ADAMTSL1: variants seen among roughly 807,000 people sequenced by gnomAD.
ADAMTSL1 encodes the protein ADAMTS-like protein 1.
In ADAMTSL1, 126 loss-of-function variants were observed where a neutral mutation model predicts 201.8. The ratio of observed to expected loss-of-function variants is 0.62; its 90% confidence interval spans 0.54 to 0.72. ADAMTSL1 has a LOEUF of 0.72. ADAMTSL1 is among the 30% of genes least tolerant of loss of function. The pLI is 0.00. For synonymous variants in ADAMTSL1, 1,121 were observed against 903.4 expected (o/e 1.24, Z -4.32); for missense variants, 2,679 against 2,277.8 (o/e 1.18, Z -3.59).
rs117266134 is a variant in ADAMTSL1 at position 18,733,783 on chromosome 9, C to T, written c.2006+12118C>T. Reference sequence around the variant, plus strand: ...GCCTGTTCCCTCTCTCCCCTGAAGACTTATTCTCAGTCACCTTGCCTTTTG... The same window carrying T: ...GCCTGTTCCCTCTCTCCCCTGAAGATTTATTCTCAGTCACCTTGCCTTTTG... On this transcript the variant is annotated intron_variant, in intron 15 of 28. Coordinates refer to ENST00000380548, the MANE Select transcript of ADAMTSL1 (RefSeq NM_001040272.6). 9.1e-3 allele frequency among the ~76,000 whole-genome samples: 1,382 copies of T among 151,886 alleles called. 13 individuals are homozygous for T. Among genetic ancestry groups the T allele is most frequent in the Non-Finnish European group, 0.013 (883 of 67,932 alleles).
intron 1 of ADAMTSL1, among the ~76,000 whole-genome samples, chr9:18,075,468 C>A (rs138054330): frequency 7.0e-6 from 1 of 143,266 alleles, no homozygotes; most frequent in Non-Finnish European, 1.5e-5. Flanking sequence ...GTGTAGTTTG[C>A]GGACTATGTA....
intron 1 of ADAMTSL1, among the ~76,000 whole-genome samples, chr9:18,146,741 C>T (rs1439382542): frequency 2.0e-5 from 3 of 152,166 alleles, no homozygotes; most frequent in East Asian, 1.9e-4. Flanking sequence ...TGGTAGTGTG[C>T]CCTTATAAAG....
intron 1 of ADAMTSL1, among the ~76,000 whole-genome samples, chr9:18,126,844 T>C (rs1007615990): frequency 1.3e-5 from 2 of 152,170 alleles, no homozygotes; most frequent in African/African-American, 4.8e-5. Context: ...AAAAACAGTA[T>C]GTTGAAAACC....
At chr9:18,837,450 T>C (rs923156399) in intron 23 of ADAMTSL1, among the ~76,000 whole-genome samples, 6 of 152,226 alleles carry the variant, frequency 3.9e-5, no homozygotes, top group South Asian at 2.1e-4. Context: ...TATTTCATTG[T>C]TATGTTTGTC....
intron 7 of ADAMTSL1, among the ~76,000 whole-genome samples, chr9:18,644,793 G>C (rs1281823587): frequency 6.6e-6 from 1 of 152,030 alleles, no homozygotes; most frequent in East Asian, 1.9e-4. Context: ...ATCATTGTTG[G>C]ACATTTGGGT....
At chr9:18,275,386 T>C (rs553258122) in intron 2 of ADAMTSL1, among the ~76,000 whole-genome samples, 18 of 152,308 alleles carry the variant, frequency 1.2e-4, no homozygotes, top group Middle Eastern at 3.4e-3. Context: ...TAGCCCATTT[T>C]AAGTGTACAG....
intron 1 of ADAMTSL1, among the ~76,000 whole-genome samples, chr9:18,163,071 A>G (rs903799607): frequency 3.3e-5 from 5 of 152,058 alleles, no homozygotes; most frequent in Admixed American, 1.3e-4. Flanking sequence ...CCTTGAATGT[A>G]TAGGAGTTAC....
Position 18,416,331 on chromosome 9 carries a change from C to T in ADAMTSL1, c.208-88498C>T, listed in dbSNP as rs550829677. Among the ~76,000 whole-genome samples the T allele has an allele frequency of 6.6e-5, 10 of 151,730 alleles. No individual in the cohort carries two copies. In the South Asian group the frequency reaches 2.1e-3, roughly 32 times the overall value. On this transcript the variant is annotated intron_variant, in intron 2 of 29. Transcript: ENST00000680146. ...TATAAACCCTAAAGCAACCACTAAA[C>T]TAACCCAAAAATTTTAGCTGATAGA...
intron 1 of ADAMTSL1, among the ~76,000 whole-genome samples, chr9:18,490,773 G>C (rs1284532924): frequency 6.6e-6 from 1 of 152,196 alleles, no homozygotes; most frequent in African/African-American, 2.4e-5. Context: ...GTGAGGGAAA[G>C]TCATAGGATG....
chr9:18,586,894 T>C (rs988206503), intron 4 of ADAMTSL1, among the ~76,000 whole-genome samples: 4 of 152,180 alleles, frequency 2.6e-5, no homozygotes, highest in Admixed American at 2.6e-4. Flanking sequence ...GCTAGCCATA[T>C]GCAGAAGACT....
chr9:18,063,126 C>G (rs1368075430), intron 1 of ADAMTSL1, among the ~76,000 whole-genome samples: 3 of 152,036 alleles, frequency 2.0e-5, no homozygotes, highest in African/African-American at 7.2e-5. Flanking sequence ...GCCAGGAGTT[C>G]AAGACCAGCC....
intron 7 of ADAMTSL1, among the ~76,000 whole-genome samples, chr9:18,652,560 T>C (rs1321733070): frequency 6.6e-6 from 1 of 152,206 alleles, no homozygotes; most frequent in Non-Finnish European, 1.5e-5. Context: ...ACCATTCTTT[T>C]TTTCACTTTT....
At chr9:18,355,726 G>C (rs1422825871) in intron 2 of ADAMTSL1, among the ~76,000 whole-genome samples, 1 of 152,162 alleles carries the variant, frequency 6.6e-6, no homozygotes, top group East Asian at 1.9e-4. Flanking sequence ...AAAAATGCTG[G>C]CCAGGCATGG....
At chr9:18,533,583 G>A (rs1819572490) in intron 3 of ADAMTSL1, among the ~76,000 whole-genome samples, 1 of 152,114 alleles carries the variant, frequency 6.6e-6, no homozygotes, top group Admixed American at 6.5e-5. Context: ...ATGAGTGAGA[G>A]GGTTGATAAA....
intron 2 of ADAMTSL1, among the ~76,000 whole-genome samples, chr9:18,230,434 G>C (rs1273184296): frequency 2.0e-5 from 3 of 152,100 alleles, no homozygotes; most frequent in Non-Finnish European, 2.9e-5. Flanking sequence ...TGTGAGTAAA[G>C]GTCCAAAAGC....
At chr9:18,404,476 T>G (rs543981176) in intron 2 of ADAMTSL1, among the ~76,000 whole-genome samples, 70 of 152,342 alleles carry the variant, frequency 4.6e-4, no homozygotes, top group African/African-American at 1.7e-3. Context: ...CTAAATCATG[T>G]TAGTTTGTTC....
Position 18,520,401 on chromosome 9 carries a change from A to G in ADAMTSL1, c.192-12846A>G, listed in dbSNP as rs180728338. ...TTTCCAAGTTGGCACTACATTCAGA[A>G]CATTTTTATAATGACAGATTAGGAT... On this transcript the variant is annotated intron_variant, in intron 2 of 28. Coordinates refer to ENST00000380548, the MANE Select transcript of ADAMTSL1 (RefSeq NM_001040272.6). 6.2e-4 allele frequency among the ~76,000 whole-genome samples: 95 copies of G among 152,354 alleles called. 2 individuals are homozygous for G. The highest frequency in any genetic ancestry group is 1.2e-3 in the Admixed American group (18 of 15,304).
At chr9:18,219,300 T>C (rs1231415140) in intron 2 of ADAMTSL1, among the ~76,000 whole-genome samples, 2 of 151,696 alleles carry the variant, frequency 1.3e-5, no homozygotes, top group Non-Finnish European at 2.9e-5. Flanking sequence ...TTCATGATAT[T>C]TTATCCTCTT....
At chr9:18,228,201 G>A (rs1830500718) in intron 2 of ADAMTSL1, among the ~76,000 whole-genome samples, 1 of 152,194 alleles carries the variant, frequency 6.6e-6, no homozygotes, top group Non-Finnish European at 1.5e-5. Flanking sequence ...TCTGGTGAAA[G>A]TGAGAGGAAA....
Sources: gnomAD v4.1 joint callset for allele counts (sites outside exome capture counted in the v4.1 genomes callset) on GRCh38, gnomAD v4.1.1 for gene constraint, MANE v1.5 for transcripts, NCBI Gene and HGNC (gene_info 2026-07-23, HGNC 2026-07-21) for gene names.